The following FRMD5 variants were observed in gnomAD, a reference collection of about 807,000 sequenced individuals.
FRMD5 encodes FERM domain containing 5.
A neutral mutation model predicts 69.0 loss-of-function variants in FRMD5; 20 were observed. The ratio of observed to expected loss-of-function variants is 0.29; its 90% CI spans 0.20 to 0.42. The LOEUF is 0.42. Among genes scored for constraint, FRMD5 ranks in the 10% least tolerant of loss-of-function variants. The pLI is 1.00. For synonymous variants in FRMD5, 271 were observed against 260.1 expected, an observed-to-expected ratio of 1.04 and a Z score of -0.40; for missense variants, 595 against 708.6, an observed-to-expected ratio of 0.84 and a Z score of 1.82.
intron 2 of FRMD5, among the ~76,000 whole-genome samples, chr15:43,920,109 A>C (rs1042913457): frequency 6.6e-6 from 1 of 152,248 alleles, no homozygotes; most frequent in Admixed American, 6.5e-5. Flanking sequence ...CATGCGATTA[A>C]GGCACAAGCG....
chr15:44,135,823 C>CAAA (rs747196640), intron 1 of FRMD5, among the ~76,000 whole-genome samples: 4 of 70,914 alleles, frequency 5.6e-5, no homozygotes, highest in Admixed American at 3.1e-4. Context: ...GACTCTGTCT[C>CAAA]AAAAAAAAAA....
At chr15:43,902,319 A>T in intron 6 of FRMD5, 57 bp from the exon 7 acceptor site, 2 of 1,357,306 alleles carry the variant, frequency 1.5e-6, no homozygotes, top group Non-Finnish European at 2.1e-6. Flanking sequence ...GGTTCCCCTG[A>T]GGTAAACTCT....
intron 1 of FRMD5, among the ~76,000 whole-genome samples, chr15:44,157,365 T>A (rs866023615): frequency 1.3e-5 from 2 of 152,194 alleles, no homozygotes; most frequent in African/African-American, 4.8e-5. Context: ...TCCTCTCACA[T>A]TAGGAACTGG....
At chr15:44,007,621 TTTAA>T (rs925309778) in intron 1 of FRMD5, among the ~76,000 whole-genome samples, 10 of 150,698 alleles carry the variant, frequency 6.6e-5, no homozygotes, top group African/African-American at 1.5e-4. Context: ...ATCTAATTTT[TTTAA>T]TTAATTAACT....
intron 1 of FRMD5, among the ~76,000 whole-genome samples, chr15:43,968,179 C>T (rs2090324253): frequency 6.6e-6 from 1 of 152,098 alleles, no homozygotes; most frequent in South Asian, 2.1e-4. Context: ...AAACTCACAA[C>T]TAATCTTATC....
At chr15:43,974,021 T>G (rs1460198923) in intron 1 of FRMD5, among the ~76,000 whole-genome samples, 1 of 151,802 alleles carries the variant, frequency 6.6e-6, no homozygotes, top group Non-Finnish European at 1.5e-5. Context: ...ATTAACTTTT[T>G]TTTTTTTTTG....
chr15:43,978,266 T>C (rs1190530878), intron 1 of FRMD5, among the ~76,000 whole-genome samples: 2 of 152,092 alleles, frequency 1.3e-5, no homozygotes, highest in African/African-American at 2.4e-5. Context: ...CCACCACAAA[T>C]ACATACCATT....
chr15:44,086,554 G>A (rs769780714), intron 1 of FRMD5, among the ~76,000 whole-genome samples: 2 of 152,172 alleles, frequency 1.3e-5, no homozygotes, highest in African/African-American at 4.8e-5. Flanking sequence ...GGGGCTGCAG[G>A]TAGGAGAGAA....
chr15:44,001,220 A>T (rs1238643992), intron 1 of FRMD5, among the ~76,000 whole-genome samples: 1 of 152,180 alleles, frequency 6.6e-6, no homozygotes, highest in Non-Finnish European at 1.5e-5. Flanking sequence ...AGAAATGTCT[A>T]TTCAGCTCCT....
intron 1 of FRMD5, among the ~76,000 whole-genome samples, chr15:44,193,190 T>C (rs1024763370): frequency 1.3e-5 from 2 of 152,230 alleles, no homozygotes; most frequent in Non-Finnish European, 2.9e-5. Context: ...GTGATGTGAA[T>C]TGTGTTTTAT....
At chr15:44,125,238 A>G (rs1291705985) in intron 1 of FRMD5, among the ~76,000 whole-genome samples, 3 of 151,542 alleles carry the variant, frequency 2.0e-5, no homozygotes, top group African/African-American at 7.3e-5. Flanking sequence ...GGCATTTGAG[A>G]CTGTAGTGAG....
intron 1 of FRMD5, among the ~76,000 whole-genome samples, chr15:44,051,872 A>T (rs1892682304): frequency 6.6e-6 from 1 of 152,158 alleles, no homozygotes; most frequent in Non-Finnish European, 1.5e-5. Context: ...TGCCATTTTT[A>T]TCACATCATA....
Position 43,875,804 on chromosome 15 carries a change from G to GTTTTTTTTTTTTTTTTTTTT in FRMD5, c.1136-1362_1136-1343dup, listed in dbSNP as rs34063043. The GTTTTTTTTTTTTTTTTTTTT allele has an allele frequency of 1.0e-4, 21 of 210,644 alleles. 1 individual carries two copies. The highest frequency in any genetic ancestry group is 4.8e-4 in the African/African-American group (10 of 20,968). The allele number at this position is 210,644 out of a possible 1,614,324, so 13.0% of individuals were successfully genotyped here. The stretch of plus-strand genomic sequence containing the variant: ...TCTTGCCTTTGGTGTCCTGGGCCTA[G>GTTTTTTTTTTTTTTTTTTTT]TTTTTTTTTTTTTTTTTTTTTTTCT... On this transcript the variant is annotated intron_variant, in intron 13 of 13. Coordinates refer to ENST00000417257, the MANE Select transcript of FRMD5 (RefSeq NM_032892.5).
At chr15:43,999,953 C>CGTAT (rs1282373687) in intron 1 of FRMD5, among the ~76,000 whole-genome samples, 1 of 82,896 alleles carries the variant, frequency 1.2e-5, no homozygotes, top group African/African-American at 6.4e-5. Context: ...ATATGCCATG[C>CGTAT]ATATATATAT....
At chr15:43,929,860 G>A (rs1276334198) in intron 1 of FRMD5, among the ~76,000 whole-genome samples, 1 of 152,184 alleles carries the variant, frequency 6.6e-6, no homozygotes, top group African/African-American at 2.4e-5. Context: ...TTTTAGTGGT[G>A]TGAGGGCATG....
intron 1 of FRMD5, among the ~76,000 whole-genome samples, chr15:44,171,305 G>A (rs1423710253): frequency 6.6e-6 from 1 of 152,158 alleles, no homozygotes; most frequent in East Asian, 1.9e-4. Flanking sequence ...CTATGTCTAA[G>A]TGATATTTTA....
chr15:43,926,640 AG>A (rs1440750997), intron 1 of FRMD5, among the ~76,000 whole-genome samples: 3 of 152,070 alleles, frequency 2.0e-5, no homozygotes, highest in Non-Finnish European at 4.4e-5. Flanking sequence ...TTGTCCTTGC[AG>A]GAGCTGGAAG....
At chr15:44,171,135 A>G (rs2077795273) in intron 1 of FRMD5, among the ~76,000 whole-genome samples, 1 of 152,240 alleles carries the variant, frequency 6.6e-6, no homozygotes, top group Non-Finnish European at 1.5e-5. Context: ...ATATTAAGTA[A>G]AAGAACCTAC....
intron 11 of FRMD5, 54 bp downstream of exon 11, chr15:43,885,627 C>A: frequency 6.8e-7 from 1 of 1,471,828 alleles, no homozygotes; most frequent in Non-Finnish European, 9.5e-7. Flanking sequence ...ACTGAGTTCT[C>A]CAGAGAAGGG....
Sources: allele counts gnomAD v4.1 joint callset (sites outside exome capture counted in the v4.1 genomes callset), GRCh38; gene constraint gnomAD v4.1.1; transcripts MANE v1.5; gene names NCBI Gene and HGNC (gene_info 2026-07-23, HGNC 2026-07-21).